Variants in COL21A1 observed in about 807,000 individuals in gnomAD.
COL21A1 encodes the protein collagen type XXI alpha 1 chain, also known as collagen alpha-1(XXI) chain.
Under a neutral mutation model 137.9 loss-of-function variants are expected in COL21A1, and 149 were observed. That is an observed-to-expected ratio of 1.08 (90% CI 0.95 to 1.24). COL21A1 has a LOEUF of 1.24. Ranked by LOEUF, COL21A1 falls within the 50% of genes most tolerant of loss-of-function variation. COL21A1 has a pLI of 0.00. For missense variants in COL21A1, 1,167 were observed against 1,158.4 expected (o/e 1.01, Z -0.11); for synonymous variants, 456 against 391.5 (o/e 1.16, Z -1.95).
chr6:56,155,759 C>G (rs985418628), intron 10 of COL21A1, among the ~76,000 whole-genome samples: 5 of 152,118 alleles, frequency 3.3e-5, no homozygotes, highest in African/African-American at 1.2e-4. Context: ...CCACACCCAG[C>G]TAATTTTTGT....
At chr6:56,224,855 A>T (rs1562001881) in intron 1 of COL21A1, among the ~76,000 whole-genome samples, 1 of 152,072 alleles carries the variant, frequency 6.6e-6, no homozygotes, top group South Asian at 2.1e-4. Context: ...GTACTACTTA[A>T]CCTATCACAA....
At chr6:56,171,427 C>A (rs1379785895) in intron 3 of COL21A1, among the ~76,000 whole-genome samples, 1 of 151,532 alleles carries the variant, frequency 6.6e-6, no homozygotes, top group East Asian at 1.9e-4. Flanking sequence ...AAAATTGAGA[C>A]AATAGCAATA....
chr6:56,346,875 G>A (rs1312053438), intron 1 of COL21A1, among the ~76,000 whole-genome samples: 1 of 152,080 alleles, frequency 6.6e-6, no homozygotes, highest in Non-Finnish European at 1.5e-5. Flanking sequence ...GTCTCCAGTG[G>A]GTGAGCCTCT....
chr6:56,197,761 A>G (rs1228006839), intron 1 of COL21A1, among the ~76,000 whole-genome samples: 1 of 152,146 alleles, frequency 6.6e-6, no homozygotes, highest in Non-Finnish European at 1.5e-5. Flanking sequence ...TGGAACTTTA[A>G]ATTGGTACAG....
intron 1 of COL21A1, among the ~76,000 whole-genome samples, chr6:56,190,795 C>G (rs527645274): frequency 6.6e-6 from 1 of 152,266 alleles, no homozygotes; most frequent in Admixed American, 6.5e-5. Flanking sequence ...ATACACAAAT[C>G]AATAAATGTG....
chr6:56,148,131 T>C (rs1283062218), intron 10 of COL21A1, among the ~76,000 whole-genome samples: 1 of 152,124 alleles, frequency 6.6e-6, no homozygotes, highest in Non-Finnish European at 1.5e-5. Flanking sequence ...TTGTCATATA[T>C]CTACTAACTA....
At chr6:56,256,964 T>G (rs1782986935) in intron 1 of COL21A1, among the ~76,000 whole-genome samples, 1 of 152,156 alleles carries the variant, frequency 6.6e-6, no homozygotes, top group Non-Finnish European at 1.5e-5. Flanking sequence ...TTTAAATTTA[T>G]ACAAAATCAG....
chr6:56,124,305 C>G lies in COL21A1; in HGVS notation c.1651-13G>C. Reference sequence around the variant, plus strand: ...CACCTTTTGCACCCTGTATCGAAAACAAACACTTAAAACACAATCTTTACA... The same window carrying G: ...CACCTTTTGCACCCTGTATCGAAAAGAAACACTTAAAACACAATCTTTACA... On this transcript the variant is annotated splice_polypyrimidine_tract_variant and intron_variant, in intron 14 of 29. Transcript: ENST00000244728. The G allele has an allele frequency of 1.3e-6, 2 of 1,593,310 alleles. No individual in the cohort carries two copies. Among genetic ancestry groups the G allele is most frequent in the East Asian group, 2.3e-5 (1 of 44,316 alleles).
intron 10 of COL21A1, among the ~76,000 whole-genome samples, chr6:56,154,888 T>TA (rs1237075247): frequency 6.6e-6 from 1 of 151,936 alleles, no homozygotes; most frequent in Non-Finnish European, 1.5e-5. Flanking sequence ...CCCTACTTTT[T>TA]AAGAAAAAAA....
At chr6:56,305,604 C>G (rs1459111719) in intron 1 of COL21A1, among the ~76,000 whole-genome samples, 1 of 152,078 alleles carries the variant, frequency 6.6e-6, no homozygotes, top group Non-Finnish European at 1.5e-5. Flanking sequence ...TCCTCCATCC[C>G]TTTATTTTGA....
intron 23 of COL21A1, among the ~76,000 whole-genome samples, chr6:56,066,784 C>A (rs1766288965): frequency 6.6e-6 from 1 of 151,594 alleles, no homozygotes; most frequent in Admixed American, 6.6e-5. Flanking sequence ...TGCTAAGACA[C>A]CCAAAACTAA....
chr6:56,087,644 G>A (rs552651753), intron 17 of COL21A1, among the ~76,000 whole-genome samples: 96 of 152,204 alleles, frequency 6.3e-4, no homozygotes, highest in African/African-American at 2.3e-3. Context: ...TCAAGGCTTG[G>A]GAGTTAACAG....
In COL21A1 at chr6:56,269,431, G is replaced by A. The variant is rs375332227; in HGVS notation, c.-38-86775C>T. 6.0e-3 allele frequency among the ~76,000 whole-genome samples: 909 copies of A among 151,848 alleles called. 8 individuals carry two copies. The highest frequency in any genetic ancestry group is 0.014 in the Middle Eastern group (4 of 294). ...AGCACTTTGGGAGGCCGAGGCGGGCGGATCACGAGGTCAGGAGATCGAGAC... is the reference window on the plus strand; with the variant it reads ...AGCACTTTGGGAGGCCGAGGCGGGCAGATCACGAGGTCAGGAGATCGAGAC... On this transcript the variant is annotated intron_variant, in intron 1 of 28. Transcript: ENST00000370819.
At chr6:56,259,829 A>G (rs1203261727) in intron 1 of COL21A1, among the ~76,000 whole-genome samples, 1 of 152,248 alleles carries the variant, frequency 6.6e-6, no homozygotes, top group Non-Finnish European at 1.5e-5. Context: ...TAATTTTTAT[A>G]AAACCAATTA....
At chr6:56,124,908 G>C (rs1010517825) in intron 14 of COL21A1, among the ~76,000 whole-genome samples, 2 of 151,498 alleles carry the variant, frequency 1.3e-5, no homozygotes, top group Non-Finnish European at 2.9e-5. Context: ...GCCTCCCAAA[G>C]TGCTGGGATT....
intron 17 of COL21A1, among the ~76,000 whole-genome samples, chr6:56,099,795 A>T (rs536649050): frequency 2.1e-4 from 32 of 152,214 alleles, no homozygotes; most frequent in African/African-American, 7.7e-4. Context: ...AACAGCAATT[A>T]TGGCTCACAT....
chr6:56,164,205 G>A (rs1400508946), intron 9 of COL21A1, among the ~76,000 whole-genome samples: 1 of 152,188 alleles, frequency 6.6e-6, no homozygotes, highest in East Asian at 1.9e-4. Context: ...TCAGTTTAAT[G>A]TGGATGACAG....
chr6:56,146,576 C>T (rs1231757651), intron 10 of COL21A1, among the ~76,000 whole-genome samples: 1 of 152,024 alleles, frequency 6.6e-6, no homozygotes, highest in Non-Finnish European at 1.5e-5. Flanking sequence ...GAAAGAACTA[C>T]ACTGCTATGG....
At chr6:56,219,939 G>A (rs542746002) in intron 1 of COL21A1, among the ~76,000 whole-genome samples, 2 of 152,194 alleles carry the variant, frequency 1.3e-5, no homozygotes, top group South Asian at 4.1e-4. Flanking sequence ...TCCAATCAAG[G>A]CACTTAACTG....
Sources: allele counts gnomAD v4.1 joint callset (sites outside exome capture counted in the v4.1 genomes callset), GRCh38; gene constraint gnomAD v4.1.1; transcripts MANE v1.5; gene names NCBI Gene and HGNC (gene_info 2026-07-23, HGNC 2026-07-21).